RNF149: variants seen among roughly 807,000 people sequenced by gnomAD.
RNF149 encodes ring finger protein 149.
RNF149 carries 21 observed loss-of-function variants against 39.0 expected under a neutral mutation model. The ratio of observed to expected loss-of-function variants is 0.54; its 90% confidence interval spans 0.38 to 0.77. RNF149 has a LOEUF of 0.77. Ranked by LOEUF, RNF149 falls within the 30% of genes least tolerant of loss-of-function variation. The pLI, the probability that RNF149 is intolerant of heterozygous loss-of-function variation, is 0.00. For missense variants in RNF149, 493 were observed against 534.9 expected (o/e 0.92, Z 0.77); for synonymous variants, 209 against 213.6 (o/e 0.98, Z 0.19).
intron 5 of RNF149, among the ~76,000 whole-genome samples, chr2:101,284,934 G>A (rs1682737046): frequency 6.6e-6 from 1 of 152,082 alleles, no homozygotes; most frequent in African/African-American, 2.4e-5. Context: ...CACTCTCATT[G>A]CCCAGGCTGG....
At chr2:101,304,012 T>C (rs1222404841) in intron 1 of RNF149, among the ~76,000 whole-genome samples, 1 of 152,214 alleles carries the variant, frequency 6.6e-6, no homozygotes, top group African/African-American at 2.4e-5. Flanking sequence ...TTAAGGCCAA[T>C]ATCCTGTAAA....
intron 5 of RNF149, among the ~76,000 whole-genome samples, chr2:101,283,554 AC>A (rs1403640636): frequency 1.3e-5 from 2 of 152,172 alleles, no homozygotes; most frequent in African/African-American, 4.8e-5. Flanking sequence ...TAAAGCATAC[AC>A]TGCAGGAGGG....
chr2:101,288,230 CTTTTTTTTTTT>C (rs554652378), intron 4 of RNF149, among the ~76,000 whole-genome samples: 6 of 60,578 alleles, frequency 9.9e-5, no homozygotes, highest in Admixed American at 2.6e-4. Flanking sequence ...GAAAGAAAAA[CTTTTTTTTTTT>C]TTTTTTTTTT....
chr2:101,304,835 A>AT (rs11340908), intron 1 of RNF149, among the ~76,000 whole-genome samples: 4,299 of 89,706 alleles, frequency 0.048, 156 homozygotes, highest in Non-Finnish European at 0.07. Flanking sequence ...GACTACTAGT[A>AT]TTTTTTTTTT....
intron 6 of RNF149, 99 bp downstream of exon 6, chr2:101,281,760 G>A (rs1192794): frequency 0.18 from 261,616 of 1,438,658 alleles, 25,849 homozygotes; most frequent in South Asian, 0.29. Context: ...TCAAACTCGA[G>A]CAATCCTCCC....
chr2:101,297,114 T>C (rs1461691970), intron 1 of RNF149, among the ~76,000 whole-genome samples: 2 of 151,918 alleles, frequency 1.3e-5, no homozygotes. Flanking sequence ...GAGACAGAGA[T>C]AGGAGAATTG....
chr2:101,273,084 T>C, downstream of RNF149: 1 of 1,361,758 alleles, frequency 7.3e-7, no homozygotes, highest in Non-Finnish European at 9.8e-7. Context: ...AAAGGCTGTG[T>C]GTTCAGGATC....
At chr2:101,299,411 C>T (rs1042317204) in intron 1 of RNF149, among the ~76,000 whole-genome samples, 10 of 152,046 alleles carry the variant, frequency 6.6e-5, no homozygotes, top group African/African-American at 2.2e-4. Flanking sequence ...ACTGTATTTC[C>T]GAGGCACCCA....
At position 101,289,084 on chromosome 2, in the gene RNF149, C is replaced by T. The variant is rs28626790; in HGVS notation, c.781-29G>A. The stretch of plus-strand genomic sequence containing the variant: ...TAAAAAGAAAAGGAAAGTGTTACTA[C>T]ATTCTTGGTACACAGTATATCCCTT... On this transcript the variant is annotated intron_variant, in intron 3 of 6. Transcript: ENST00000295317. The T allele has an allele frequency of 1.9e-4, 244 of 1,315,194 alleles. 2 individuals carry two copies. In the African/African-American group the frequency reaches 3.0e-3, roughly 16 times the overall value. 81.5% of individuals were successfully genotyped at this position (1,315,194 alleles called of 1,614,324 possible).
chr2:101,304,835 A>ATT (rs11340908), intron 1 of RNF149, among the ~76,000 whole-genome samples: 1,411 of 89,692 alleles, frequency 0.016, 23 homozygotes, highest in Middle Eastern at 0.023. Context: ...GACTACTAGT[A>ATT]TTTTTTTTTT....
chr2:101,286,411 C>T, intron 4 of RNF149: 1 of 358,302 alleles, frequency 2.8e-6, no homozygotes, highest in Non-Finnish European at 5.1e-6. Context: ...TTTATGCTCT[C>T]ACGCTAGGTT....
chr2:101,277,681 G>A (rs187654979), intron 6 of RNF149, among the ~76,000 whole-genome samples: 13 of 152,282 alleles, frequency 8.5e-5, no homozygotes, highest in East Asian at 1.9e-4. Flanking sequence ...GAGCCACCGC[G>A]CCCGGCTAAC....
At position 101,282,460 on chromosome 2, in the gene RNF149, A is replaced by AGATGC. The variant is rs376720762; in HGVS notation, c.961-408_961-404dup. Among the ~76,000 whole-genome samples, 1,084 of 152,244 alleles carry AGATGC rather than the reference A, an allele frequency of 7.1e-3. 18 individuals are homozygous for AGATGC. The highest frequency in any genetic ancestry group is 0.025 in the African/African-American group (1,033 of 41,536). On this transcript the variant is annotated intron_variant, in intron 5 of 6. Transcript: ENST00000295317. ...TCAGAAATAAACAAGGCTTTTGAACAGATGCCTTCAGACTGTATTATTTTC... is the reference window on the plus strand; with the variant it reads ...TCAGAAATAAACAAGGCTTTTGAACAGATGCGATGCCTTCAGACTGTATTATTTTC...
downstream of RNF149, chr2:101,273,435 C>A: frequency 2.3e-6 from 1 of 428,000 alleles, no homozygotes; most frequent in South Asian, 1.7e-5. Context: ...TGCATCTTAT[C>A]AACTTAAAAC....
At chr2:101,300,289 G>A (rs1683402252) in intron 1 of RNF149, among the ~76,000 whole-genome samples, 1 of 152,064 alleles carries the variant, frequency 6.6e-6, no homozygotes, top group South Asian at 2.1e-4. Flanking sequence ...TACATGTAAA[G>A]GTACCTTGTT....
rs1683170641 is a variant in RNF149 at position 101,295,131 on chromosome 2, T to C, written c.511A>G (p.Ile171Val). 6.2e-7 allele frequency: 1 copy of C among 1,613,884 alleles called. No homozygotes were observed. The highest frequency in any genetic ancestry group is 8.5e-7 in the Non-Finnish European group (1 of 1,179,728). ...ATTCCTTTTTGCACCAGCTCCAAAA[T>C]TTCTCTTCCTTTTGGATAGCTAATC... ...IMISYPKGRE[I>V]LELVQKGIPV... Residue 171 changes from isoleucine (I) to valine (V), a missense_variant, in exon 2 of 7, where the codon ATT (isoleucine) becomes GTT (valine). Transcript: ENST00000295317.
chr2:101,308,128 C>G lies in RNF149; in HGVS notation c.460+1G>C. The stretch of plus-strand genomic sequence containing the variant: ...CCGTCCTCGCGCCCCGGCCTGCTCA[C>G]CCGCGTGAGACATGGGCAAGGTGAT... On this transcript the variant is annotated splice_donor_variant, in intron 1 of 6. Coordinates refer to ENST00000295317, the MANE Select transcript of RNF149 (RefSeq NM_173647.4). LOFTEE classifies it high-confidence loss of function. 2 of 1,607,760 alleles carry G rather than the reference C, an allele frequency of 1.2e-6. No individual in the cohort carries two copies. The highest frequency in any genetic ancestry group is 1.7e-6 in the Non-Finnish European group (2 of 1,178,134).
At chr2:101,299,346 G>A (rs1273249758) in intron 1 of RNF149, among the ~76,000 whole-genome samples, 2 of 152,156 alleles carry the variant, frequency 1.3e-5, no homozygotes, top group African/African-American at 4.8e-5. Context: ...CCCCTGTGTG[G>A]AAGCTGATCC....
At chr2:101,273,286 C>T (rs2104376555), downstream of RNF149, 8 of 492,950 alleles carry the variant, frequency 1.6e-5, no homozygotes, top group Non-Finnish European at 2.8e-5. Flanking sequence ...TTCTCCATGC[C>T]ACCCGCGGTT....
Sources: gnomAD v4.1 joint callset for allele counts (sites outside exome capture counted in the v4.1 genomes callset) on GRCh38, gnomAD v4.1.1 for gene constraint, MANE v1.5 for transcripts, NCBI Gene and HGNC (gene_info 2026-07-23, HGNC 2026-07-21) for gene names.